Variants in KCNQ1 observed in about 807,000 individuals in gnomAD.
The protein encoded by KCNQ1 is potassium voltage-gated channel subfamily Q member 1.
A neutral mutation model predicts 72.4 loss-of-function variants in KCNQ1; 49 were observed. That is an observed-to-expected ratio of 0.68 (90% CI 0.54 to 0.86). The LOEUF is 0.86. KCNQ1 is among the 40% of genes least tolerant of loss of function. KCNQ1 has a pLI of 0.00. For missense variants in KCNQ1, 790 were observed against 945.1 expected (o/e 0.84, Z 2.15); for synonymous variants, 450 against 412.6 (o/e 1.09, Z -1.10).
At chr11:2,699,085 C>T in intron 11 of KCNQ1, 1 of 398,674 alleles carries the variant, frequency 2.5e-6, no homozygotes, top group East Asian at 3.6e-5. Context: ...GGATTCCCAA[C>T]TTCCATCCCA....
chr11:2,665,491 C>T (rs1850050888), intron 11 of KCNQ1: 2 of 395,626 alleles, frequency 5.1e-6, no homozygotes, highest in African/African-American at 2.1e-5. Context: ...TGCCTGTGTG[C>T]ATCCCTGTGC....
At chr11:2,797,005 T>C (rs528136687) in intron 15 of KCNQ1, among the ~76,000 whole-genome samples, 1 of 152,010 alleles carries the variant, frequency 6.6e-6, no homozygotes, top group Admixed American at 6.5e-5. Flanking sequence ...TGGGGAGAGA[T>C]TTTACAACGT....
At chr11:2,525,900 C>CCA (rs1847494906) in intron 1 of KCNQ1, among the ~76,000 whole-genome samples, 2 of 152,178 alleles carry the variant, frequency 1.3e-5, no homozygotes, top group Admixed American at 6.5e-5. Context: ...GCCCACAGCC[C>CCA]CACTCTTGGG....
chr11:2,779,339 A>C (rs1032119462), intron 15 of KCNQ1, among the ~76,000 whole-genome samples: 1 of 152,112 alleles, frequency 6.6e-6, no homozygotes, highest in African/African-American at 2.4e-5. Flanking sequence ...TGGCTGGCAC[A>C]CCCAGTACAG....
intron 10 of KCNQ1, chr11:2,625,558 G>A (rs1849248487): frequency 5.1e-6 from 2 of 391,552 alleles, no homozygotes; most frequent in Non-Finnish European, 8.9e-6. Flanking sequence ...TTGGAGATAC[G>A]TCTGTCCAAG....
At position 2,813,739 on chromosome 11, in the gene KCNQ1, A is replaced by G. The variant is rs1847542352; in HGVS notation, c.1795-34028A>G. Among the ~76,000 whole-genome samples, 1 of 152,070 alleles carries G rather than the reference A, an allele frequency of 6.6e-6. No individual in the cohort carries two copies. Among genetic ancestry groups the G allele is most frequent in the South Asian group, 2.1e-4 (1 of 4,822 alleles). On this transcript the variant is annotated intron_variant, in intron 15 of 15. Coordinates refer to ENST00000155840, the MANE Select transcript of KCNQ1 (RefSeq NM_000218.3). This position sits in a 1 kb window ranked among gnomAD's most constrained non-coding sequence, Gnocchi z 4.4. ...TTTTGATCTTGTTGCCGCAAGATAC[A>G]CAGGAGGCAGCTGCTCACTGCTTGT...
rs1460363489 is a variant in KCNQ1, at chr11:2,463,960, G to C, written c.386+18476G>C. 6.6e-6 allele frequency among the ~76,000 whole-genome samples: 1 copy of C among 152,226 alleles called. No homozygotes were observed. The highest frequency in any genetic ancestry group is 1.5e-5 in the Non-Finnish European group (1 of 68,032). On this transcript the variant is annotated intron_variant, in intron 1 of 15. Coordinates refer to ENST00000155840, the MANE Select transcript of KCNQ1 (RefSeq NM_000218.3). This position sits in a 1 kb window ranked among gnomAD's most constrained non-coding sequence, Gnocchi z 7.0. ...CTCCGTGCCCAGCAGGCTCACTGTCGGCAGTTGGGTCTGGTTTGATAACCG... is the reference window on the plus strand; with the variant it reads ...CTCCGTGCCCAGCAGGCTCACTGTCCGCAGTTGGGTCTGGTTTGATAACCG...
chr11:2,514,372 G>A (rs1471407176), intron 1 of KCNQ1, among the ~76,000 whole-genome samples: 2 of 152,212 alleles, frequency 1.3e-5, no homozygotes, highest in African/African-American at 4.8e-5. Context: ...GATGAATGTG[G>A]CTCAGGTTGC....
chr11:2,600,458 C>G lies in KCNQ1; in HGVS notation c.1393+11604C>G, dbSNP rs191115090. 6.6e-6 allele frequency among the ~76,000 whole-genome samples: 1 copy of G among 152,182 alleles called. No homozygotes were observed. The stretch of plus-strand genomic sequence containing the variant: ...TGCCACATTTGCTTTATCATTTGAA[C>G]CCCTTTCTCTACATTATATTCACAT... On this transcript the variant is annotated intron_variant, in intron 10 of 15. Transcript: ENST00000155840. The surrounding 1 kb of genome is among the most constrained non-coding windows in gnomAD (Gnocchi z 5.6).
At chr11:2,829,318 A>G (rs1183781213) in intron 15 of KCNQ1, among the ~76,000 whole-genome samples, 4 of 152,232 alleles carry the variant, frequency 2.6e-5, no homozygotes, top group Non-Finnish European at 5.9e-5. Flanking sequence ...CCAGAAGAAA[A>G]AAAAAATGAA....
chr11:2,582,429 G>A (rs1452526810), intron 6 of KCNQ1, among the ~76,000 whole-genome samples: 1 of 152,224 alleles, frequency 6.6e-6, no homozygotes, highest in Non-Finnish European at 1.5e-5. Context: ...TCAGCACTGG[G>A]CCCATAGGGC....
intron 11 of KCNQ1, chr11:2,693,964 A>G: frequency 2.5e-6 from 1 of 398,704 alleles, no homozygotes; most frequent in Non-Finnish European, 4.4e-6. Flanking sequence ...GTCTGCACTA[A>G]CTGGAGAAGG....
Position 2,818,104 on chromosome 11 carries a change from C to A in KCNQ1, c.1795-29663C>A, listed in dbSNP as rs1005857341. ...AAAACACATGGCCAGCCACCCTGCA[C>A]CCTGAGTTCCACAACATCTAAACCC... On this transcript the variant is annotated intron_variant, in intron 15 of 15. Transcript: ENST00000155840. This position sits in a 1 kb window ranked among gnomAD's most constrained non-coding sequence, Gnocchi z 7.2. 8.5e-5 allele frequency among the ~76,000 whole-genome samples: 13 copies of A among 152,190 alleles called. No homozygotes were observed. The highest frequency in any genetic ancestry group is 1.5e-4 in the Non-Finnish European group (10 of 68,020).
In KCNQ1 at chr11:2,626,512, G is replaced by T. The variant is rs533151733; in HGVS notation, c.1394-35449G>T. ...TCAATACCACATAGTTTTGATTACT[G>T]TAGCTTCGTAATAAGTTGGGGTTTT... On this transcript the variant is annotated intron_variant, in intron 10 of 15. Coordinates refer to ENST00000155840, the MANE Select transcript of KCNQ1 (RefSeq NM_000218.3). This position sits in a 1 kb window ranked among gnomAD's most constrained non-coding sequence, Gnocchi z 4.0. 6 of 398,438 alleles carry T rather than the reference G, an allele frequency of 1.5e-5. No homozygotes were observed. Among genetic ancestry groups the T allele is most frequent in the Non-Finnish European group, 2.7e-5 (6 of 226,086 alleles). 24.7% of individuals were successfully genotyped at this position (398,438 alleles called of 1,614,324 possible). A position where few individuals can be genotyped will look rare whatever the true frequency, so the allele number is the denominator to read the frequency against.
chr11:2,459,088 C>G (rs1846237259), intron 1 of KCNQ1, among the ~76,000 whole-genome samples: 1 of 152,190 alleles, frequency 6.6e-6, no homozygotes, highest in African/African-American at 2.4e-5. Context: ...TTCCCAGGCA[C>G]AGGGGCTTTA....
In KCNQ1 at chr11:2,592,255, T is replaced by C. The variant is rs147725601; in HGVS notation, c.1393+3401T>C. On this transcript the variant is annotated intron_variant, in intron 10 of 15. Transcript: ENST00000155840. The surrounding 1 kb of genome is among the most constrained non-coding windows in gnomAD (Gnocchi z 5.2). Reference sequence around the variant, plus strand: ...GGAAGGCCAGGGCCATGTGGGGAACTCCTGAGGACACCTGTGTGTCCTGAC... The same window carrying C: ...GGAAGGCCAGGGCCATGTGGGGAACCCCTGAGGACACCTGTGTGTCCTGAC... Among the ~76,000 whole-genome samples, 404 of 152,300 alleles carry C rather than the reference T, an allele frequency of 2.7e-3. 5 individuals carry two copies. The Middle Eastern group carries it at 0.044, about 17-fold the overall frequency.
rs896810281 is a variant in KCNQ1, at chr11:2,498,379, C to T, written c.387-29549C>T. Among the ~76,000 whole-genome samples the T allele has an allele frequency of 1.3e-5, 2 of 152,240 alleles. No individual in the cohort carries two copies. The highest frequency in any genetic ancestry group is 2.9e-5 in the Non-Finnish European group (2 of 68,044). ...GGCTGCTGCCTTTCTTTCAGAGATG[C>T]CCTGCCCAGTGAGGAGGAATCTAGA... On this transcript the variant is annotated intron_variant, in intron 1 of 15. Transcript: ENST00000155840. The surrounding 1 kb of genome is among the most constrained non-coding windows in gnomAD (Gnocchi z 4.8).
intron 2 of KCNQ1, among the ~76,000 whole-genome samples, chr11:2,554,909 G>A (rs1431148443): frequency 5.3e-5 from 8 of 152,152 alleles, no homozygotes; most frequent in African/African-American, 9.7e-5. Context: ...TAAATTCACC[G>A]CCTGTTATTA....
chr11:2,682,475 C>CGAGCGAGT lies in KCNQ1; in HGVS notation c.1514+20397_1514+20398insCGAGTGAG. On this transcript the variant is annotated intron_variant, in intron 11 of 15. Transcript: ENST00000155840. The surrounding 1 kb of genome is among the most constrained non-coding windows in gnomAD (Gnocchi z 5.8). ...TCACGGACCCTCAGTGAATGTTTGA[C>CGAGCGAGT]GAGTGAGTGAGTGAGTGAGTGAGTG... The CGAGCGAGT allele has an allele frequency of 2.5e-6, 1 of 393,698 alleles. No individual in the cohort carries two copies. 24.4% of individuals were successfully genotyped at this position (393,698 alleles called of 1,614,324 possible). A position where few individuals can be genotyped will look rare whatever the true frequency, so the allele number is the denominator to read the frequency against.
Sources: allele counts gnomAD v4.1 joint callset (sites outside exome capture counted in the v4.1 genomes callset), GRCh38; gene constraint gnomAD v4.1.1; non-coding constraint Gnocchi (gnomAD v3.1); transcripts MANE v1.5; gene names NCBI Gene and HGNC (gene_info 2026-07-23, HGNC 2026-07-21).